MYO5A: variants seen among roughly 807,000 people sequenced by gnomAD.
The protein encoded by MYO5A is unconventional myosin-Va.
MYO5A carries 98 observed loss-of-function variants against 249.7 expected under a neutral mutation model. That is an observed-to-expected ratio of 0.39 (90% CI 0.33 to 0.46). The LOEUF (loss-of-function observed/expected upper bound fraction) is 0.46, where lower values mean the gene tolerates loss of function less well. Ranked by LOEUF, MYO5A falls within the 20% of genes least tolerant of loss-of-function variation. The probability of loss-of-function intolerance (pLI) is 0.98; values close to 1 mark genes in which losing one functional copy is unlikely to be tolerated. For missense variants in MYO5A, 1,696 were observed against 2,308.8 expected, an observed-to-expected ratio of 0.73 and a Z score of 5.44; for synonymous variants, 778 against 810.6, an observed-to-expected ratio of 0.96 and a Z score of 0.68.
intron 1 of MYO5A, among the ~76,000 whole-genome samples, chr15:52,489,730 C>T (rs1224322647): frequency 2.0e-5 from 3 of 152,196 alleles, no homozygotes; most frequent in Non-Finnish European, 4.4e-5. Flanking sequence ...GTGGCTCACA[C>T]CTGTAACCTC....
intron 14 of MYO5A, among the ~76,000 whole-genome samples, chr15:52,385,309 C>T (rs2041928492): frequency 6.6e-6 from 1 of 152,086 alleles, no homozygotes; most frequent in Non-Finnish European, 1.5e-5. Context: ...TAGATGCTAT[C>T]ATGATTCTAT....
intron 1 of MYO5A, among the ~76,000 whole-genome samples, chr15:52,459,147 A>ATTTTTTTTTTTTTTTTTT (rs531798708): frequency 2.0e-4 from 13 of 64,286 alleles, no homozygotes; most frequent in African/African-American, 4.0e-4. Context: ...TTTTCCAGAA[A>ATTTTTTTTTTTTTTTTTT]TTTTTTTTTT....
intron 25 of MYO5A, among the ~76,000 whole-genome samples, chr15:52,355,662 A>C (rs1245018096): frequency 6.6e-6 from 1 of 152,154 alleles, no homozygotes; most frequent in Admixed American, 6.5e-5. Context: ...TTAATTATAT[A>C]TTGTCTTAGG....
At chr15:52,481,498 T>C (rs2076713666) in intron 1 of MYO5A, among the ~76,000 whole-genome samples, 1 of 152,180 alleles carries the variant, frequency 6.6e-6, no homozygotes, top group Non-Finnish European at 1.5e-5. Context: ...ACTGTCAATA[T>C]GACACACAAA....
chr15:52,491,749 T>A (rs571086137), intron 1 of MYO5A, among the ~76,000 whole-genome samples: 218 of 152,320 alleles, frequency 1.4e-3, no homozygotes, highest in African/African-American at 5.1e-3. Context: ...TATGAAGGCA[T>A]TGGGCTTTCA....
chr15:52,526,833 G>A (rs1229625012), intron 1 of MYO5A, among the ~76,000 whole-genome samples: 1 of 151,878 alleles, frequency 6.6e-6, no homozygotes, highest in African/African-American at 2.4e-5. Flanking sequence ...AAAAGCATTC[G>A]AAATCCAACA....
intron 1 of MYO5A, chr15:52,505,133 A>G: frequency 1.4e-6 from 1 of 701,806 alleles, no homozygotes; most frequent in East Asian, 2.5e-5. Context: ...TCTGTGGGCC[A>G]CTTAATTCAG....
chr15:52,321,609 C>G (rs552378564), intron 37 of MYO5A, 100 bp from the exon 38 acceptor site: 25 of 1,351,834 alleles, frequency 1.8e-5, no homozygotes, highest in Non-Finnish European at 2.6e-5. Flanking sequence ...CTTTTCTGCT[C>G]TGTCCAAGGA....
chr15:52,381,765 C>G (rs181617866), intron 16 of MYO5A, among the ~76,000 whole-genome samples: 229 of 64,922 alleles, frequency 3.5e-3, no homozygotes, highest in African/African-American at 9.6e-3. Context: ...CCTTTTGTGT[C>G]TCTCTCTCTC....
At chr15:52,380,937 C>T (rs1203707326) in intron 16 of MYO5A, among the ~76,000 whole-genome samples, 1 of 152,134 alleles carries the variant, frequency 6.6e-6, no homozygotes, top group Non-Finnish European at 1.5e-5. Context: ...ATTAAATATG[C>T]CCCATACGGT....
intron 1 of MYO5A, among the ~76,000 whole-genome samples, chr15:52,506,326 G>A (rs1221386832): frequency 3.3e-5 from 5 of 152,022 alleles, no homozygotes; most frequent in African/African-American, 4.8e-5. Context: ...ACTCCAGCCT[G>A]GGTGACAGAG....
At chr15:52,515,286 A>AAAAGAAAG (rs3079114) in intron 1 of MYO5A, among the ~76,000 whole-genome samples, 38 of 147,954 alleles carry the variant, frequency 2.6e-4, no homozygotes, top group Admixed American at 7.5e-4. Context: ...CAAGAAAAAA[A>AAAAGAAAG]AAAGAAAGAA....
chr15:52,447,920 G>C (rs1456689447), intron 1 of MYO5A, among the ~76,000 whole-genome samples: 1 of 152,230 alleles, frequency 6.6e-6, no homozygotes, highest in Non-Finnish European at 1.5e-5. Flanking sequence ...GTACGGAAAA[G>C]CCTGGAAGTC....
intron 22 of MYO5A, among the ~76,000 whole-genome samples, chr15:52,368,443 T>C (rs1181336229): frequency 6.6e-6 from 1 of 152,146 alleles, no homozygotes; most frequent in Non-Finnish European, 1.5e-5. Context: ...CCTTTTTATA[T>C]AAAAACTCCC....
intron 24 of MYO5A, among the ~76,000 whole-genome samples, chr15:52,360,670 A>C (rs2040474599): frequency 6.6e-6 from 1 of 152,186 alleles, no homozygotes. Context: ...AATCCTCTGA[A>C]GAGCCCTCGG....
intron 16 of MYO5A, among the ~76,000 whole-genome samples, chr15:52,381,529 C>G (rs1248290584): frequency 6.6e-6 from 1 of 152,068 alleles, no homozygotes; most frequent in Non-Finnish European, 1.5e-5. Context: ...GATAATCAGA[C>G]AAATATACAA....
chr15:52,440,823 C>G (rs879430117), intron 1 of MYO5A, among the ~76,000 whole-genome samples: 16 of 152,210 alleles, frequency 1.1e-4, no homozygotes, highest in African/African-American at 2.7e-4. Flanking sequence ...CTCTTCTCCC[C>G]CTAACTCCCA....
intron 11 of MYO5A, among the ~76,000 whole-genome samples, chr15:52,392,802 G>T (rs1359974666): frequency 1.3e-5 from 2 of 152,262 alleles, no homozygotes; most frequent in Non-Finnish European, 2.9e-5. Flanking sequence ...TTGCCCTCAT[G>T]GAGCTTGGAG....
At chr15:52,316,778 T>C (rs979200470) in intron 40 of MYO5A, among the ~76,000 whole-genome samples, 1 of 152,254 alleles carries the variant, frequency 6.6e-6, no homozygotes, top group Non-Finnish European at 1.5e-5. Context: ...CCTATGGGTG[T>C]ATCCCAGTGC....
Sources: gnomAD v4.1 joint callset for allele counts (sites outside exome capture counted in the v4.1 genomes callset) on GRCh38, gnomAD v4.1.1 for gene constraint, MANE v1.5 for transcripts, NCBI Gene and HGNC (gene_info 2026-07-23, HGNC 2026-07-21) for gene names.